SHROOM3: variants seen among roughly 807,000 people sequenced by gnomAD.
SHROOM3 encodes protein Shroom3.
In SHROOM3, 47 loss-of-function variants were observed where a neutral mutation model predicts 138.6. That is an observed-to-expected ratio of 0.34 (90% confidence interval 0.27 to 0.43). The LOEUF is 0.43. Among genes scored for constraint, SHROOM3 ranks in the 20% least tolerant of loss-of-function variants. The pLI, the probability that SHROOM3 is intolerant of heterozygous loss-of-function variation, is 1.00. For synonymous variants in SHROOM3, 1,062 were observed against 1,063.3 expected, an observed-to-expected ratio of 1.00 and a Z score of 0.02; for missense variants, 2,491 against 2,596.5, an observed-to-expected ratio of 0.96 and a Z score of 0.88.
At chr4:76,667,838 C>G (rs572859745) in intron 2 of SHROOM3, among the ~76,000 whole-genome samples, 2 of 151,318 alleles carry the variant, frequency 1.3e-5, no homozygotes. Flanking sequence ...CGTGGTGGCG[C>G]CCGCCTGTAG....
At chr4:76,598,111 C>G (rs1004055132) in intron 2 of SHROOM3, among the ~76,000 whole-genome samples, 2 of 151,714 alleles carry the variant, frequency 1.3e-5, no homozygotes, top group African/African-American at 4.8e-5. Flanking sequence ...CTGCAAGCTC[C>G]GCCTCCTGGG....
intron 1 of SHROOM3, among the ~76,000 whole-genome samples, chr4:76,473,803 G>A (rs1295508965): frequency 3.9e-5 from 6 of 152,088 alleles, no homozygotes; most frequent in Non-Finnish European, 7.4e-5. Flanking sequence ...GTACTCAAAA[G>A]GACAGACAAT....
intron 2 of SHROOM3, among the ~76,000 whole-genome samples, chr4:76,660,482 T>A (rs961285982): frequency 2.0e-5 from 3 of 152,122 alleles, no homozygotes; most frequent in African/African-American, 7.2e-5. Flanking sequence ...TTTATTTTAA[T>A]TAATTTTTTT....
chr4:76,567,283 C>G (rs933977748), intron 2 of SHROOM3, among the ~76,000 whole-genome samples: 1 of 152,110 alleles, frequency 6.6e-6, no homozygotes, highest in Admixed American at 6.5e-5. Flanking sequence ...GCTTGTAATT[C>G]CAGCACTTTG....
Position 76,759,656 on chromosome 4 carries a change from G to T in SHROOM3, c.5310G>T (p.Val1770=), listed in dbSNP as rs749739684. 1.2e-5 allele frequency: 19 copies of T among 1,614,050 alleles called. No homozygotes were observed. The highest frequency in any genetic ancestry group is 7.6e-6 in the Non-Finnish European group (9 of 1,180,032). ...AAATCAAAGAGATGCCAGCAGAAGTGAATGAGGAAGAGGAACAGGCAGATG... is the reference window on the plus strand; with the variant it reads ...AAATCAAAGAGATGCCAGCAGAAGTTAATGAGGAAGAGGAACAGGCAGATG... ...LNKIKEMPAE[V]NEEEEQADVN... Residue 1770 remains valine, a synonymous_variant, in exon 9 of 11, where the codon GTG becomes GTT. Transcript: ENST00000296043.
chr4:76,477,811 G>A lies in SHROOM3; in HGVS notation c.168+41591G>A, dbSNP rs572827919. On this transcript the variant is annotated intron_variant, in intron 1 of 10. Transcript: ENST00000296043. ...CATTGGGACTGGTTAGACAGTGGGT[G>A]CAGCCCATGGAGGGTGAGCAGAAGC... Among the ~76,000 whole-genome samples the A allele has an allele frequency of 2.0e-5, 3 of 152,294 alleles. No individual in the cohort carries two copies. The South Asian group carries it at 6.2e-4, about 32-fold the overall frequency.
At chr4:76,559,262 T>C (rs1733550546) in intron 2 of SHROOM3, 1 of 152,158 alleles carries the variant, frequency 6.6e-6, no homozygotes, top group Admixed American at 6.5e-5. Flanking sequence ...TCCAGAGACA[T>C]GGATGGACAT....
intron 2 of SHROOM3, among the ~76,000 whole-genome samples, chr4:76,675,125 A>G (rs976091128): frequency 5.9e-5 from 9 of 152,232 alleles, no homozygotes; most frequent in African/African-American, 1.9e-4. Context: ...GAAGAGACCA[A>G]TGTTCCCTTC....
chr4:76,726,711 TA>T (rs958464808), intron 3 of SHROOM3, among the ~76,000 whole-genome samples: 3 of 149,592 alleles, frequency 2.0e-5, no homozygotes, highest in East Asian at 2.0e-4. Context: ...CCCAGCTAAT[TA>T]AAAAAAAAAT....
intron 4 of SHROOM3, among the ~76,000 whole-genome samples, chr4:76,732,987 G>A (rs1720928184): frequency 6.6e-6 from 1 of 152,146 alleles, no homozygotes; most frequent in Non-Finnish European, 1.5e-5. Context: ...ATGAAACCTG[G>A]TACTGAACTT....
intron 3 of SHROOM3, among the ~76,000 whole-genome samples, chr4:76,719,357 A>G (rs1413673193): frequency 6.6e-6 from 1 of 152,244 alleles, no homozygotes; most frequent in African/African-American, 2.4e-5. Context: ...GGTAGAAACC[A>G]TCCTTCTTTC....
At chr4:76,573,080 CA>C (rs1160533489) in intron 2 of SHROOM3, among the ~76,000 whole-genome samples, 20 of 135,034 alleles carry the variant, frequency 1.5e-4, no homozygotes, top group South Asian at 2.3e-4. Flanking sequence ...GACACTGTCT[CA>C]AAAAAAAAAT....
At chr4:76,708,871 C>T (rs1416920482) in intron 2 of SHROOM3, among the ~76,000 whole-genome samples, 1 of 152,170 alleles carries the variant, frequency 6.6e-6, no homozygotes, top group East Asian at 1.9e-4. Flanking sequence ...TTGACATAAC[C>T]TCAACCAATT....
intron 10 of SHROOM3, among the ~76,000 whole-genome samples, chr4:76,771,216 A>G (rs1366781970): frequency 6.6e-6 from 1 of 152,110 alleles, no homozygotes; most frequent in Non-Finnish European, 1.5e-5. Context: ...TGTCTCTACT[A>G]AAAATACAAA....
At chr4:76,550,379 A>C (rs974271604) in intron 1 of SHROOM3, among the ~76,000 whole-genome samples, 1 of 152,232 alleles carries the variant, frequency 6.6e-6, no homozygotes, top group African/African-American at 2.4e-5. Context: ...GGTCAGAAAT[A>C]CCTATGACAA....
chr4:76,563,003 A>T (rs1036636498), intron 2 of SHROOM3, among the ~76,000 whole-genome samples: 1 of 152,184 alleles, frequency 6.6e-6, no homozygotes, highest in Non-Finnish European at 1.5e-5. Context: ...ACATTATATC[A>T]TCTGGATTCC....
At chr4:76,555,989 G>A (rs1363664896) in intron 2 of SHROOM3, among the ~76,000 whole-genome samples, 3 of 152,148 alleles carry the variant, frequency 2.0e-5, no homozygotes, top group African/African-American at 7.2e-5. Context: ...TCATTTCCCA[G>A]CAGGTACTGG....
rs552701176 is a variant in SHROOM3, at chr4:76,527,113, G to A, written c.169-28496G>A. Among the ~76,000 whole-genome samples, 5 of 152,204 alleles carry A rather than the reference G, an allele frequency of 3.3e-5. No homozygotes were observed. The East Asian group carries it at 9.7e-4, about 29-fold the overall frequency. ...TCCTGTCTGAAGGAAGAAAGAAGGG[G>A]GCAGGCAGGGAAGGAAAAAAGATCC... On this transcript the variant is annotated intron_variant, in intron 1 of 10. Coordinates refer to ENST00000296043, the MANE Select transcript of SHROOM3 (RefSeq NM_020859.4).
chr4:76,631,543 C>T (rs1281711581), intron 2 of SHROOM3, among the ~76,000 whole-genome samples: 1 of 152,008 alleles, frequency 6.6e-6, no homozygotes, highest in East Asian at 1.9e-4. Context: ...AAACCTAAAC[C>T]ATAGGAAAGA....
Sources: gnomAD v4.1 joint callset for allele counts (sites outside exome capture counted in the v4.1 genomes callset) on GRCh38, gnomAD v4.1.1 for gene constraint, MANE v1.5 for transcripts, NCBI Gene and HGNC (gene_info 2026-07-23, HGNC 2026-07-21) for gene names.